The following RXYLT1 variants were observed in gnomAD, a reference collection of about 807,000 sequenced individuals.
The protein encoded by RXYLT1 is ribitol xylosyltransferase 1, also known as ribitol-5-phosphate xylosyltransferase 1.
RXYLT1 carries 41 observed loss-of-function variants against 43.5 expected under a neutral mutation model. That is an observed-to-expected ratio of 0.94 (90% CI 0.73 to 1.22). RXYLT1 has a LOEUF of 1.22. Among genes scored for constraint, RXYLT1 ranks in the 50% most tolerant of loss-of-function variants. RXYLT1 has a pLI of 0.00. For synonymous variants in RXYLT1, 166 were observed against 194.4 expected (o/e 0.85, Z 1.21); for missense variants, 514 against 532.0 (o/e 0.97, Z 0.33).
chr12:63,809,215 T>A lies in RXYLT1; in HGVS notation c.*123T>A. The A allele has an allele frequency of 1.4e-6, 1 of 694,888 alleles. No individual in the cohort carries two copies. Among genetic ancestry groups the A allele is most frequent in the Non-Finnish European group, 2.3e-6 (1 of 434,692 alleles). 43.0% of individuals were successfully genotyped at this position (694,888 alleles called of 1,614,324 possible). A position where few individuals can be genotyped will look rare whatever the true frequency, so the allele number is the denominator to read the frequency against. On this transcript the variant is annotated 3_prime_UTR_variant, in exon 6 of 6. Transcript: ENST00000261234. ...GTACCCTTGAAAACTCTACATTATG[T>A]ATGCCACATAATGACATTTCAGTCA...
chr12:63,806,523 C>G (rs141988372), intron 5 of RXYLT1: 1 of 152,206 alleles, frequency 6.6e-6, no homozygotes, highest in African/African-American at 2.4e-5. Flanking sequence ...AGCAAAGGCC[C>G]TGAGGCAGGC....
intron 5 of RXYLT1, 79 bp from the exon 6 acceptor site, chr12:63,808,596 A>G (rs1898365414): frequency 4.7e-6 from 7 of 1,476,836 alleles, no homozygotes; most frequent in Non-Finnish European, 6.4e-6. Flanking sequence ...AACTGATTTT[A>G]TTAAAAGATA....
At chr12:63,794,700 C>G (rs1897989985) in intron 3 of RXYLT1, among the ~76,000 whole-genome samples, 1 of 152,106 alleles carries the variant, frequency 6.6e-6, no homozygotes. Flanking sequence ...CTCCCATAAT[C>G]CCAGCACTTT....
intron 4 of RXYLT1, among the ~76,000 whole-genome samples, chr12:63,802,786 G>A (rs945912902): frequency 3.3e-5 from 5 of 151,816 alleles, no homozygotes; most frequent in Admixed American, 6.6e-5. Flanking sequence ...GGAATATACC[G>A]TACCATTGTG....
chr12:63,784,439 A>G (rs1476688626), intron 2 of RXYLT1, among the ~76,000 whole-genome samples: 2 of 152,174 alleles, frequency 1.3e-5, no homozygotes, highest in African/African-American at 2.4e-5. Flanking sequence ...AGGAGAAAAG[A>G]TGCAATGACA....
rs996377614 is a variant in RXYLT1, at chr12:63,780,168, C to T, written c.169+39C>T. The T allele has an allele frequency of 4.6e-5, 66 of 1,424,254 alleles. No homozygotes were observed. In the Admixed American group the frequency reaches 6.6e-4, roughly 14 times the overall value. The allele number at this position is 1,424,254 out of a possible 1,614,324, so 88.2% of individuals were successfully genotyped here. On this transcript the variant is annotated intron_variant, in intron 1 of 5. Transcript: ENST00000261234. ...GGCGGCTTCCTTCCGGCTCTGCGCT[C>T]CTGGCTGGGGCTGCTGGGCGGCTGG...
chr12:63,809,257 A>G lies in RXYLT1; in HGVS notation c.*165A>G. 1.8e-6 allele frequency: 1 copy of G among 548,462 alleles called. No individual in the cohort carries two copies. Among genetic ancestry groups the G allele is most frequent in the Non-Finnish European group, 3.1e-6 (1 of 322,810 alleles). The allele number at this position is 548,462 out of a possible 1,614,324, so 34.0% of individuals were successfully genotyped here. A position where few individuals can be genotyped will look rare whatever the true frequency, so the allele number is the denominator to read the frequency against. ...TTTCAGTCAGTGGTAGACTACATATATGATAGTGGTCCCATAAGATTATAA... is the reference window on the plus strand; with the variant it reads ...TTTCAGTCAGTGGTAGACTACATATGTGATAGTGGTCCCATAAGATTATAA... On this transcript the variant is annotated 3_prime_UTR_variant, in exon 6 of 6. Coordinates refer to ENST00000261234, the MANE Select transcript of RXYLT1 (RefSeq NM_014254.3).
intron 2 of RXYLT1, among the ~76,000 whole-genome samples, chr12:63,784,747 C>T (rs1897762258): frequency 6.6e-6 from 1 of 152,174 alleles, no homozygotes; most frequent in Non-Finnish European, 1.5e-5. Context: ...TCACATTTTG[C>T]CACATTTTAC....
Position 63,800,352 on chromosome 12 carries a change from C to T in RXYLT1, c.429-1739C>T, listed in dbSNP as rs189869634. On this transcript the variant is annotated intron_variant, in intron 3 of 5. Transcript: ENST00000261234. ...AAAGGCGTTGAACAAATGTTTTTATCCCCAGCAGTAAGAAGCAATGAAAGT... is the reference window on the plus strand; with the variant it reads ...AAAGGCGTTGAACAAATGTTTTTATTCCCAGCAGTAAGAAGCAATGAAAGT... 1.2e-4 allele frequency among the ~76,000 whole-genome samples: 19 copies of T among 152,206 alleles called. No homozygotes were observed. In the East Asian group the frequency reaches 3.7e-3, roughly 29 times the overall value.
chr12:63,804,664 G>T (rs888351191), intron 4 of RXYLT1: 1 of 152,120 alleles, frequency 6.6e-6, no homozygotes, highest in Non-Finnish European at 1.5e-5. Flanking sequence ...AACAATTTTT[G>T]TGGTAAAAAC....
chr12:63,803,003 T>TAA (rs555930671), intron 4 of RXYLT1, among the ~76,000 whole-genome samples: 4 of 136,152 alleles, frequency 2.9e-5, no homozygotes, highest in African/African-American at 8.1e-5. Context: ...ACCCTATCTC[T>TAA]AAAAAAAAAA....
chr12:63,784,416 A>T (rs1406707813), intron 2 of RXYLT1, among the ~76,000 whole-genome samples: 2 of 152,184 alleles, frequency 1.3e-5, no homozygotes, highest in Non-Finnish European at 2.9e-5. Flanking sequence ...ATAAAACATC[A>T]GGGGCTGCCA....
chr12:63,785,643 G>A (rs1406578962), intron 3 of RXYLT1, among the ~76,000 whole-genome samples: 1 of 151,838 alleles, frequency 6.6e-6, no homozygotes, highest in African/African-American at 2.4e-5. Context: ...TTTTCTGAGT[G>A]TTTTTAAGTA....
intron 3 of RXYLT1, among the ~76,000 whole-genome samples, chr12:63,799,302 C>CTT (rs11312130): frequency 1.5e-3 from 106 of 71,580 alleles, no homozygotes; most frequent in Non-Finnish European, 1.8e-3. Context: ...CTTTTCTTTT[C>CTT]TTTTTTTTTT....
At chr12:63,795,238 G>A (rs569393363) in intron 3 of RXYLT1, among the ~76,000 whole-genome samples, 17 of 150,780 alleles carry the variant, frequency 1.1e-4, no homozygotes, top group Admixed American at 8.6e-4. Context: ...CTGTGATCAC[G>A]TGACTGCATT....
At chr12:63,795,797 T>A (rs1012188387) in intron 3 of RXYLT1, 3 of 152,128 alleles carry the variant, frequency 2.0e-5, no homozygotes, top group Admixed American at 2.0e-4. Context: ...TATTTAAATA[T>A]ACCCAAATTA....
chr12:63,780,258 C>T lies in RXYLT1; in HGVS notation c.169+129C>T. On this transcript the variant is annotated intron_variant, in intron 1 of 5. Transcript: ENST00000261234. ...CCGCAGGGCCTGAGAAGCGCTTTGC[C>T]CCCTACAGCCTCTCGAGCCAGCCCT... The T allele has an allele frequency of 2.9e-6, 4 of 1,371,134 alleles. No homozygotes were observed. In the South Asian group the frequency reaches 6.9e-5, roughly 24 times the overall value. 84.9% of individuals were successfully genotyped at this position (1,371,134 alleles called of 1,614,324 possible).
At chr12:63,791,463 G>A (rs1052517364) in intron 3 of RXYLT1, among the ~76,000 whole-genome samples, 7 of 152,200 alleles carry the variant, frequency 4.6e-5, no homozygotes, top group African/African-American at 1.4e-4. Flanking sequence ...CAAAGATCAT[G>A]ATAGAATAAA....
chr12:63,780,260 C>G, intron 1 of RXYLT1, 131 bp downstream of exon 1: 4 of 1,370,300 alleles, frequency 2.9e-6, no homozygotes, highest in African/African-American at 3.1e-5. Flanking sequence ...CGCTTTGCCC[C>G]CTACAGCCTC....
Sources: allele counts gnomAD v4.1 joint callset (sites outside exome capture counted in the v4.1 genomes callset), GRCh38; gene constraint gnomAD v4.1.1; transcripts MANE v1.5; gene names NCBI Gene and HGNC (gene_info 2026-07-23, HGNC 2026-07-21).